IGF2BP1: variants seen among roughly 807,000 people sequenced by gnomAD.
The protein encoded by IGF2BP1 is insulin like growth factor 2 mRNA binding protein 1, also known as insulin-like growth factor 2 mRNA-binding protein 1.
A neutral mutation model predicts 74.9 loss-of-function variants in IGF2BP1; 11 were observed. That is an observed-to-expected ratio of 0.15 (90% CI 0.09 to 0.24). The LOEUF is 0.24. Ranked by LOEUF, IGF2BP1 falls within the 10% of genes least tolerant of loss-of-function variation. The pLI, the probability that IGF2BP1 is intolerant of heterozygous loss-of-function variation, is 1.00. For synonymous variants in IGF2BP1, 287 were observed against 281.8 expected, an observed-to-expected ratio of 1.02 and a Z score of -0.18; for missense variants, 440 against 757.4, an observed-to-expected ratio of 0.58 and a Z score of 4.92.
intron 14 of IGF2BP1, among the ~76,000 whole-genome samples, chr17:49,048,911 G>A (rs966081088): frequency 7.3e-6 from 1 of 137,094 alleles, no homozygotes; most frequent in Non-Finnish European, 1.5e-5. Context: ...ACCTCCATCC[G>A]TGGAAGAAAA....
At chr17:49,020,867 C>T (rs1178115768) in intron 2 of IGF2BP1, among the ~76,000 whole-genome samples, 1 of 151,610 alleles carries the variant, frequency 6.6e-6, no homozygotes, top group Non-Finnish European at 1.5e-5. Context: ...TGGTGGCTCA[C>T]ATCTATACAG....
chr17:49,043,646 G>A, intron 10 of IGF2BP1, 96 bp downstream of exon 10: 2 of 1,454,862 alleles, frequency 1.4e-6, no homozygotes, highest in Non-Finnish European at 1.9e-6. Context: ...TGCTTGGCAA[G>A]TTTGCAGGGA....
rs758955317 is a variant in IGF2BP1, at chr17:49,040,021, C to G, written c.748C>G (p.Pro250Ala). ...AAAAGCCATCAGTGTGCACTCCACC[C>G]CTGAGGGCTGCTCCTCCGCTTGTAA... ...AEKAISVHST[P>A]EGCSSACKMI... is the part of the protein sequence containing the mutation. The change falls in exon 7 of 15, where the codon CCT (proline) becomes GCT (alanine). Residue 250 changes from proline to alanine, a missense_variant. Around this residue, in one of 5 missense-constraint regions of IGF2BP1, gnomAD observed 184 missense variants for 273.4 expected, o/e 0.67. Coordinates refer to ENST00000290341, the MANE Select transcript of IGF2BP1 (RefSeq NM_006546.4). The G allele has an allele frequency of 1.9e-6, 3 of 1,613,794 alleles. No individual in the cohort carries two copies. The highest frequency in any genetic ancestry group is 2.5e-6 in the Non-Finnish European group (3 of 1,180,002).
At chr17:49,010,533 GT>G (rs966824770) in intron 2 of IGF2BP1, among the ~76,000 whole-genome samples, 1 of 151,946 alleles carries the variant, frequency 6.6e-6, no homozygotes, top group Non-Finnish European at 1.5e-5. Context: ...AGCCAGGATG[GT>G]CACGATCTCC....
At chr17:49,020,003 CACACACAT>C in intron 2 of IGF2BP1, among the ~76,000 whole-genome samples, 1 of 103,044 alleles carries the variant, frequency 9.7e-6, no homozygotes, top group Non-Finnish European at 1.9e-5. Flanking sequence ...TATACACACA[CACACACAT>C]ATATATACAC....
Position 49,055,013 on chromosome 17 carries a change from T to C in IGF2BP1, c.*5569T>C, listed in dbSNP as rs2042209270. 6.7e-6 allele frequency: 1 copy of C among 148,754 alleles called. No homozygotes were observed. The highest frequency in any genetic ancestry group is 1.5e-5 in the Non-Finnish European group (1 of 66,882). The allele number at this position is 148,754 out of a possible 1,614,324, so 9.2% of individuals were successfully genotyped here. On this transcript the variant is annotated 3_prime_UTR_variant, in exon 15 of 15. Transcript: ENST00000290341. ...AGCCCCATTTCACTTTTGTTTTATC[T>C]ACCTCTTAGCAAAACAATAGATAAA...
chr17:49,004,073 C>CA (rs1383950541), intron 2 of IGF2BP1, among the ~76,000 whole-genome samples: 1 of 152,102 alleles, frequency 6.6e-6, no homozygotes, highest in East Asian at 1.9e-4. Flanking sequence ...CCCGCCCCCG[C>CA]GCCAGTCCCA....
intron 2 of IGF2BP1, among the ~76,000 whole-genome samples, chr17:49,018,964 A>G (rs2041741763): frequency 6.6e-6 from 1 of 152,114 alleles, no homozygotes; most frequent in South Asian, 2.1e-4. Context: ...GACTCATGAC[A>G]GGGGCCCTAG....
chr17:49,035,688 C>T (rs1363723845), intron 5 of IGF2BP1, among the ~76,000 whole-genome samples: 1 of 152,190 alleles, frequency 6.6e-6, no homozygotes, highest in African/African-American at 2.4e-5. Flanking sequence ...CCGAGGTCTC[C>T]CCTGGGCGGC....
Position 49,028,783 on chromosome 17 carries a change from C to T in IGF2BP1, c.337+2266C>T, listed in dbSNP as rs141948686. ...TTGTGAGTGAGGTCCATTCTTTCTACCTATCCCATCCTCTTTCATCTGATT... is the reference window on the plus strand; with the variant it reads ...TTGTGAGTGAGGTCCATTCTTTCTATCTATCCCATCCTCTTTCATCTGATT... On this transcript the variant is annotated intron_variant, in intron 4 of 14. Transcript: ENST00000290341. Among the ~76,000 whole-genome samples, 20 of 152,264 alleles carry T rather than the reference C, an allele frequency of 1.3e-4. 2 individuals are homozygous for T. The highest frequency in any genetic ancestry group is 4.8e-4 in the African/African-American group (20 of 41,564).
At chr17:49,005,716 G>T (rs891327051) in intron 2 of IGF2BP1, among the ~76,000 whole-genome samples, 19 of 152,028 alleles carry the variant, frequency 1.2e-4, no homozygotes, top group African/African-American at 4.4e-4. Context: ...AGGTTAAGGA[G>T]AACTTCAAAT....
chr17:49,003,134 T>C (rs2041505528), intron 2 of IGF2BP1, among the ~76,000 whole-genome samples: 1 of 152,210 alleles, frequency 6.6e-6, no homozygotes, highest in African/African-American at 2.4e-5. Context: ...ATGGCACAGC[T>C]TTTGGTGGAA....
chr17:49,037,239 T>G, intron 5 of IGF2BP1: 1 of 454,992 alleles, frequency 2.2e-6, no homozygotes, highest in Non-Finnish European at 4.2e-6. Context: ...TACCAAATGT[T>G]GCAAGAACTC....
chr17:49,045,707 C>G (rs1214500578), intron 12 of IGF2BP1, among the ~76,000 whole-genome samples, 183 bp from the exon 13 acceptor site: 1 of 152,208 alleles, frequency 6.6e-6, no homozygotes, highest in Non-Finnish European at 1.5e-5. Flanking sequence ...GATAGCTAAG[C>G]AGAAGGAATG....
chr17:48,999,331 C>A (rs1053437090), intron 2 of IGF2BP1, among the ~76,000 whole-genome samples, 162 bp downstream of exon 2: 1 of 144,272 alleles, frequency 6.9e-6, no homozygotes, highest in African/African-American at 2.6e-5. Context: ...TGGCCAAGAT[C>A]TTGTAATGGG....
chr17:49,015,318 C>CA (rs1225103825), intron 2 of IGF2BP1, among the ~76,000 whole-genome samples: 4 of 152,174 alleles, frequency 2.6e-5, no homozygotes, highest in Non-Finnish European at 5.9e-5. Context: ...CTGGCATCTC[C>CA]ACCGGGGGCG....
intron 9 of IGF2BP1, 82 bp downstream of exon 9, chr17:49,042,459 G>A: frequency 6.7e-7 from 1 of 1,485,076 alleles, no homozygotes; most frequent in South Asian, 1.2e-5. Flanking sequence ...TGATGGACAT[G>A]TGCCCTGTGC....
In IGF2BP1 at chr17:49,004,310, TGCG is replaced by T. The variant is rs1294531237; in HGVS notation, c.236+5143_236+5145del. Among the ~76,000 whole-genome samples, 40 of 24,314 alleles carry T rather than the reference TGCG, an allele frequency of 1.6e-3. No homozygotes were observed. In the African/African-American group the frequency reaches 0.02, roughly 12 times the overall value. The allele number at this position is 24,314 out of a possible 152,430, so 16.0% of individuals were successfully genotyped here. On this transcript the variant is annotated intron_variant, in intron 2 of 14. Transcript: ENST00000290341. ...CACGAGAGGGTTCCCCCTCACCGGC[TGCG>T]GGCTGCGGGCTGCAGACCCTTTCCA...
intron 2 of IGF2BP1, among the ~76,000 whole-genome samples, chr17:49,019,305 A>G (rs2041746230): frequency 6.6e-6 from 1 of 152,088 alleles, no homozygotes; most frequent in Non-Finnish European, 1.5e-5. Flanking sequence ...TTGGAGCCCA[A>G]GCCCTTGTCT....
Sources: gnomAD v4.1 joint callset for allele counts (sites outside exome capture counted in the v4.1 genomes callset) on GRCh38, gnomAD v4.1.1 for gene constraint, gnomAD v4.1.1 regional missense constraint, MANE v1.5 for transcripts, NCBI Gene and HGNC (gene_info 2026-07-23, HGNC 2026-07-21) for gene names.